The following NRXN1 variants were observed in gnomAD, a reference collection of about 807,000 sequenced individuals.
The protein encoded by NRXN1 is neurexin 1.
In NRXN1, 39 loss-of-function variants were observed where a neutral mutation model predicts 150.9. The ratio of observed to expected loss-of-function variants is 0.26; its 90% CI spans 0.20 to 0.34. The LOEUF is 0.34. Ranked by LOEUF, NRXN1 falls within the 10% of genes least tolerant of loss-of-function variation. NRXN1 has a pLI of 1.00. For missense variants in NRXN1, 1,815 were observed against 1,949.9 expected (o/e 0.93, Z 1.30); for synonymous variants, 924 against 757.0 (o/e 1.22, Z -3.62).
chr2:50,323,863 G>T (rs569259126), intron 17 of NRXN1, among the ~76,000 whole-genome samples: 35 of 152,196 alleles, frequency 2.3e-4, no homozygotes, highest in African/African-American at 8.2e-4. Context: ...TAACAAAAGT[G>T]GATCAAACAA....
intron 5 of NRXN1, among the ~76,000 whole-genome samples, chr2:50,806,131 AG>A (rs765191067): frequency 2.0e-5 from 3 of 152,190 alleles, no homozygotes; most frequent in Non-Finnish European, 2.9e-5. Context: ...CCACTGTAAA[AG>A]TACACTTTTT....
chr2:50,475,908 T>A (rs2089950690), intron 15 of NRXN1, among the ~76,000 whole-genome samples: 1 of 151,664 alleles, frequency 6.6e-6, no homozygotes, highest in Non-Finnish European at 1.5e-5. Flanking sequence ...CACTAATGGG[T>A]CCTGCAGGTG....
intron 18 of NRXN1, among the ~76,000 whole-genome samples, chr2:50,202,316 C>T (rs2062230827): frequency 6.6e-6 from 1 of 152,116 alleles, no homozygotes; most frequent in Admixed American, 6.6e-5. Flanking sequence ...GCCACCCTGG[C>T]TAACACGGTG....
chr2:50,819,181 A>T (rs939499708), intron 5 of NRXN1, among the ~76,000 whole-genome samples: 1 of 152,142 alleles, frequency 6.6e-6, no homozygotes, highest in Non-Finnish European at 1.5e-5. Context: ...GATTTCTGGT[A>T]TTCACCCAAA....
chr2:50,582,907 A>G (rs1672513516), intron 8 of NRXN1, among the ~76,000 whole-genome samples: 1 of 152,020 alleles, frequency 6.6e-6, no homozygotes, highest in Admixed American at 6.6e-5. Context: ...CAAAAATTCT[A>G]ATGTCTAATC....
At chr2:50,429,878 C>A (rs961274503) in intron 17 of NRXN1, among the ~76,000 whole-genome samples, 1 of 152,088 alleles carries the variant, frequency 6.6e-6, no homozygotes, top group Non-Finnish European at 1.5e-5. Context: ...AAAAAGTGAT[C>A]AAAATACCTG....
rs114994167 is a variant in NRXN1 at position 50,327,583 on chromosome 2, T to C, written c.3365-90613A>G. 4.2e-3 allele frequency among the ~76,000 whole-genome samples: 638 copies of C among 152,220 alleles called. 2 individuals carry two copies. The highest frequency in any genetic ancestry group is 0.015 in the African/African-American group (618 of 41,542). ...AAGTCAAAACCAAAGAAAACCTTCATCATGCTTCTTTTTCTTTTTTCTTCT... is the reference window on the plus strand; with the variant it reads ...AAGTCAAAACCAAAGAAAACCTTCACCATGCTTCTTTTTCTTTTTTCTTCT... On this transcript the variant is annotated intron_variant, in intron 17 of 22. Coordinates refer to ENST00000401669, the MANE Select transcript of NRXN1 (RefSeq NM_001330078.2).
intron 5 of NRXN1, among the ~76,000 whole-genome samples, chr2:50,650,713 C>T (rs541417998): frequency 6.6e-6 from 1 of 152,100 alleles, no homozygotes; most frequent in African/African-American, 2.4e-5. Context: ...CTTGCTAATA[C>T]AAGCTATTAA....
intron 12 of NRXN1, among the ~76,000 whole-genome samples, chr2:50,527,882 T>C (rs1048857700): frequency 6.6e-6 from 1 of 152,174 alleles, no homozygotes; most frequent in African/African-American, 2.4e-5. Context: ...GATTTCTTAA[T>C]GTGATCAGCA....
chr2:50,506,034 T>A (rs1276937537), intron 13 of NRXN1, among the ~76,000 whole-genome samples: 1 of 152,064 alleles, frequency 6.6e-6, no homozygotes, highest in Non-Finnish European at 1.5e-5. Flanking sequence ...CCAAAAATAA[T>A]CTATTATAGC....
intron 18 of NRXN1, among the ~76,000 whole-genome samples, chr2:50,205,236 T>C (rs1049867818): frequency 6.6e-6 from 1 of 152,088 alleles, no homozygotes. Flanking sequence ...AAACTTTGCA[T>C]TTTAGTTTTA....
At chr2:50,669,013 T>C (rs530523443) in intron 5 of NRXN1, among the ~76,000 whole-genome samples, 4 of 151,940 alleles carry the variant, frequency 2.6e-5, no homozygotes, top group South Asian at 4.2e-4. Flanking sequence ...ATGAAGTTTA[T>C]GGGATTTGTG....
chr2:50,354,533 C>T (rs12476139), intron 17 of NRXN1, among the ~76,000 whole-genome samples: 31,790 of 125,056 alleles, frequency 0.25, 4,002 homozygotes, highest in East Asian at 0.48. Flanking sequence ...ATATACACTA[C>T]CTTAGCGTCT....
chr2:51,022,975 G>C (rs942003411), intron 2 of NRXN1, among the ~76,000 whole-genome samples: 1 of 152,080 alleles, frequency 6.6e-6, no homozygotes, highest in Non-Finnish European at 1.5e-5. Flanking sequence ...TCCACATAAA[G>C]GGTTCAGGTA....
intron 17 of NRXN1, among the ~76,000 whole-genome samples, chr2:50,376,046 T>TATACAC (rs1553516368): frequency 6.7e-6 from 1 of 148,632 alleles, no homozygotes; most frequent in African/African-American, 2.5e-5. Flanking sequence ...CATATATATA[T>TATACAC]ACACACACAC....
At chr2:50,259,661 T>G (rs547025091) in intron 17 of NRXN1, among the ~76,000 whole-genome samples, 7 of 152,010 alleles carry the variant, frequency 4.6e-5, no homozygotes, top group African/African-American at 1.7e-4. Context: ...AATGTAATAT[T>G]TAGCTTTCAA....
intron 22 of NRXN1, among the ~76,000 whole-genome samples, chr2:49,933,767 A>C (rs1294644197): frequency 6.6e-6 from 1 of 152,228 alleles, no homozygotes; most frequent in Non-Finnish European, 1.5e-5. Context: ...TTTTCTCTAC[A>C]TCTTCCACAC....
intron 5 of NRXN1, among the ~76,000 whole-genome samples, chr2:50,864,566 A>G (rs1329681930): frequency 6.6e-6 from 1 of 152,062 alleles, no homozygotes; most frequent in Non-Finnish European, 1.5e-5. Flanking sequence ...TCTTGAAATA[A>G]ATTGATAGGA....
chr2:49,987,147 T>C (rs1321056141), intron 21 of NRXN1, among the ~76,000 whole-genome samples: 1 of 152,180 alleles, frequency 6.6e-6, no homozygotes, highest in Non-Finnish European at 1.5e-5. Flanking sequence ...TAATTTTGTA[T>C]CTGTTAGCCA....
Sources: allele counts gnomAD v4.1 joint callset (sites outside exome capture counted in the v4.1 genomes callset), GRCh38; gene constraint gnomAD v4.1.1; transcripts MANE v1.5; gene names NCBI Gene and HGNC (gene_info 2026-07-23, HGNC 2026-07-21).